Variants in PDE8A observed in about 807,000 individuals in gnomAD.
PDE8A encodes high affinity cAMP-specific and IBMX-insensitive 3',5'-cyclic phosphodiesterase 8A.
Under a neutral mutation model 105.0 loss-of-function variants are expected in PDE8A, and 59 were observed. The observed-to-expected ratio is 0.56, with a 90% CI of 0.46 to 0.70. The LOEUF (loss-of-function observed/expected upper bound fraction) is 0.70. Among genes scored for constraint, PDE8A ranks in the 30% least tolerant of loss-of-function variants. The pLI is 0.00. For missense variants in PDE8A, 1,014 were observed against 1,045.9 expected, an observed-to-expected ratio of 0.97 and a Z score of 0.42; for synonymous variants, 355 against 371.9, an observed-to-expected ratio of 0.95 and a Z score of 0.52.
chr15:85,123,553 G>A (rs1321727829), intron 19 of PDE8A, among the ~76,000 whole-genome samples: 1 of 152,102 alleles, frequency 6.6e-6, no homozygotes, highest in African/African-American at 2.4e-5. Flanking sequence ...AGGCTGGGAG[G>A]CTAGGTCCAT....
At position 84,996,342 on chromosome 15, in the gene PDE8A, C is replaced by T. The variant is rs145273679; in HGVS notation, c.186+13994C>T. Among the ~76,000 whole-genome samples the T allele has an allele frequency of 6.3e-4, 95 of 151,634 alleles. 1 individual carries two copies. The highest frequency in any genetic ancestry group is 2.0e-3 in the African/African-American group (82 of 41,298). On this transcript the variant is annotated intron_variant, in intron 1 of 21. Transcript: ENST00000394553. ...ATAGATGTATGCCACCATGCCTGGCCGATTTTTAAAATTTTTAAAAAAGAG... is the reference window on the plus strand; with the variant it reads ...ATAGATGTATGCCACCATGCCTGGCTGATTTTTAAAATTTTTAAAAAAGAG...
chr15:85,026,023 C>G (rs1274457608), intron 1 of PDE8A, among the ~76,000 whole-genome samples: 1 of 152,204 alleles, frequency 6.6e-6, no homozygotes, highest in Non-Finnish European at 1.5e-5. Flanking sequence ...AAACTCAGCA[C>G]TGTTGAGTGC....
chr15:85,086,419 G>C (rs1000247430), intron 6 of PDE8A, among the ~76,000 whole-genome samples: 2 of 152,130 alleles, frequency 1.3e-5, no homozygotes, highest in Admixed American at 1.3e-4. Flanking sequence ...AAATATGTTT[G>C]TAACATATAG....
At chr15:85,037,587 C>T (rs1407170577) in intron 1 of PDE8A, among the ~76,000 whole-genome samples, 4 of 152,184 alleles carry the variant, frequency 2.6e-5, no homozygotes, top group Non-Finnish European at 4.4e-5. Context: ...CAAAATGTTT[C>T]ATGATGGTTC....
intron 8 of PDE8A, among the ~76,000 whole-genome samples, chr15:85,094,837 A>G (rs149748680): frequency 1.5e-3 from 224 of 151,816 alleles, no homozygotes; most frequent in African/African-American, 5.2e-3. Context: ...CTCCATCTCC[A>G]CTCGGTCCAC....
At chr15:85,055,370 A>G (rs1420366927) in intron 1 of PDE8A, among the ~76,000 whole-genome samples, 1 of 151,914 alleles carries the variant, frequency 6.6e-6, no homozygotes. Context: ...ATCCTTGTTA[A>G]CTTTCTGTCT....
In PDE8A at chr15:85,113,936, C is replaced by G; in HGVS notation, c.1249C>G (p.Arg417Gly). 3 of 1,613,060 alleles carry G rather than the reference C, an allele frequency of 1.9e-6. No individual in the cohort carries two copies. The highest frequency in any genetic ancestry group is 2.7e-5 in the African/African-American group (2 of 75,010). ...SPMPVTEALD[R>G]VLEILRTTEL... is the part of the protein sequence containing the mutation. ...CATGCCTGTGACAGAAGCCCTAGAC[C>G]GTGTGCTGGAAATTCTAAGAACCAC... Residue 417 changes from arginine (R) to glycine (G), a missense_variant, in exon 14 of 22, where the codon CGT becomes GGT. By Grantham distance (125) the Arg-to-Gly change is moderately radical. Transcript: ENST00000394553.
At chr15:85,003,759 C>T (rs959604167) in intron 1 of PDE8A, among the ~76,000 whole-genome samples, 9 of 152,176 alleles carry the variant, frequency 5.9e-5, no homozygotes, top group African/African-American at 2.2e-4. Flanking sequence ...TCCCTTACTT[C>T]GTGTAGCCTG....
intron 1 of PDE8A, among the ~76,000 whole-genome samples, chr15:85,050,879 G>A (rs2141417506): frequency 6.6e-6 from 1 of 152,236 alleles, no homozygotes; most frequent in East Asian, 1.9e-4. Flanking sequence ...GGATTGCATT[G>A]AATCTATAGA....
intron 1 of PDE8A, among the ~76,000 whole-genome samples, chr15:85,051,672 T>C (rs1265468707): frequency 2.0e-5 from 3 of 152,160 alleles, no homozygotes; most frequent in South Asian, 2.1e-4. Flanking sequence ...CACATGTCCA[T>C]GTGTTCTCAT....
chr15:85,088,579 A>G (rs775463373), intron 6 of PDE8A, among the ~76,000 whole-genome samples: 7 of 152,134 alleles, frequency 4.6e-5, no homozygotes, highest in Admixed American at 1.3e-4. Flanking sequence ...ACATTTGCGT[A>G]TAAGTTTTTG....
In PDE8A at chr15:85,088,716, T is replaced by TA. The variant is rs749065302; in HGVS notation, c.636-621dup. ...TTTTTTATTATTCAAGTGGGTGTGA[T>TA]ATAGTGTTCCACTTATTTTTGTTAA... On this transcript the variant is annotated intron_variant, in intron 6 of 21. Coordinates refer to ENST00000394553, the MANE Select transcript of PDE8A (RefSeq NM_002605.3). Among the ~76,000 whole-genome samples, 7 of 152,244 alleles carry TA rather than the reference T, an allele frequency of 4.6e-5. No homozygotes were observed. In the East Asian group the frequency reaches 9.6e-4, roughly 21 times the overall value.
At position 85,091,161 on chromosome 15, in the gene PDE8A, T is replaced by C. The variant is rs868554657; in HGVS notation, c.832T>C (p.Ser278Pro). ...KKADLLDTINSCIRIGKEWQG... is the reference protein window; with the variant it reads ...KKADLLDTINPCIRIGKEWQG... Reference sequence around the variant, plus strand: ...GGCTGACTTGCTCGATACTATAAATTCATGCATCAGGATAGGCAAGGTAAG... The same window carrying C: ...GGCTGACTTGCTCGATACTATAAATCCATGCATCAGGATAGGCAAGGTAAG... Residue 278 changes from serine to proline, a missense_variant, in exon 8 of 22, where the codon TCA (serine) becomes CCA (proline). By Grantham distance (74) the Ser-to-Pro change is moderately conservative (BLOSUM62 -1). Coordinates refer to ENST00000394553, the MANE Select transcript of PDE8A (RefSeq NM_002605.3). 2 of 1,612,088 alleles carry C rather than the reference T, an allele frequency of 1.2e-6. No homozygotes were observed. Among genetic ancestry groups the C allele is most frequent in the Middle Eastern group, 1.7e-4 (1 of 6,040 alleles).
chr15:85,011,997 G>T (rs1442673893), intron 1 of PDE8A, among the ~76,000 whole-genome samples: 1 of 152,198 alleles, frequency 6.6e-6, no homozygotes, highest in African/African-American at 2.4e-5. Context: ...ACCACAATGA[G>T]ATACCATCTC....
At chr15:85,008,098 G>C (rs1364361669) in intron 1 of PDE8A, among the ~76,000 whole-genome samples, 1 of 152,078 alleles carries the variant, frequency 6.6e-6, no homozygotes, top group Non-Finnish European at 1.5e-5. Flanking sequence ...TGGCATTGCT[G>C]TGTGTTATGA....
intron 1 of PDE8A, among the ~76,000 whole-genome samples, chr15:84,983,335 T>G (rs538095479): frequency 1.8e-4 from 28 of 152,332 alleles, no homozygotes; most frequent in African/African-American, 6.7e-4. Flanking sequence ...TCACGACCAG[T>G]TTTTGAAAGA....
At chr15:85,095,979 G>T (rs1451223819) in intron 8 of PDE8A, among the ~76,000 whole-genome samples, 2 of 151,498 alleles carry the variant, frequency 1.3e-5, no homozygotes, top group Non-Finnish European at 2.9e-5. Flanking sequence ...AGGTTCAAGC[G>T]ATTCTCCTGC....
intron 11 of PDE8A, among the ~76,000 whole-genome samples, chr15:85,103,801 C>G (rs1000107319): frequency 6.6e-6 from 1 of 152,170 alleles, no homozygotes; most frequent in Non-Finnish European, 1.5e-5. Context: ...TAGGGTGTTG[C>G]TGTTCTCACC....
intron 14 of PDE8A, 76 bp from the exon 15 acceptor site, chr15:85,115,363 G>A: frequency 1.1e-6 from 1 of 935,064 alleles, no homozygotes; most frequent in South Asian, 1.5e-5. Context: ...TGTCCTGTGG[G>A]AGGACCACCT....
Sources: allele counts gnomAD v4.1 joint callset (sites outside exome capture counted in the v4.1 genomes callset), GRCh38; gene constraint gnomAD v4.1.1; transcripts MANE v1.5; gene names NCBI Gene and HGNC (gene_info 2026-07-23, HGNC 2026-07-21).